The following GRID2 variants were observed in gnomAD, a reference collection of about 807,000 sequenced individuals.
GRID2 encodes glutamate ionotropic receptor delta type subunit 2, also known as glutamate receptor ionotropic, delta-2.
Under a neutral mutation model 114.8 loss-of-function variants are expected in GRID2, and 33 were observed. The ratio of observed to expected loss-of-function variants is 0.29; its 90% CI spans 0.22 to 0.38. The LOEUF is 0.38. Ranked by LOEUF, GRID2 falls within the 10% of genes least tolerant of loss-of-function variation. The probability of loss-of-function intolerance (pLI) is 1.00; values close to 1 mark genes in which losing one functional copy is unlikely to be tolerated. For missense variants in GRID2, 1,184 were observed against 1,257.7 expected (o/e 0.94, Z 0.89); for synonymous variants, 505 against 449.9 (o/e 1.12, Z -1.55).
intron 2 of GRID2, among the ~76,000 whole-genome samples, chr4:92,860,083 CA>C (rs1420420155): frequency 6.6e-6 from 1 of 152,080 alleles, no homozygotes; most frequent in Non-Finnish European, 1.5e-5. Flanking sequence ...ATACTTACAA[CA>C]AACCAAAGAA....
chr4:92,655,030 T>C (rs1442957006), intron 2 of GRID2, among the ~76,000 whole-genome samples: 2 of 151,982 alleles, frequency 1.3e-5, no homozygotes, highest in African/African-American at 2.4e-5. Flanking sequence ...ATTTAGGTTT[T>C]ATTGGAAGTC....
chr4:92,435,009 G>A (rs1441399175), intron 1 of GRID2, among the ~76,000 whole-genome samples: 1 of 152,108 alleles, frequency 6.6e-6, no homozygotes, highest in Admixed American at 6.5e-5. Context: ...AATAGAGTAG[G>A]AAAATGCATA....
chr4:92,329,830 TA>T (rs1385193744), intron 1 of GRID2, among the ~76,000 whole-genome samples: 1 of 151,752 alleles, frequency 6.6e-6, no homozygotes, highest in African/African-American at 2.4e-5. Flanking sequence ...GAATTTAGAT[TA>T]GGGGGCCAAT....
chr4:93,160,480 G>C (rs1352290370), intron 4 of GRID2, among the ~76,000 whole-genome samples: 1 of 151,768 alleles, frequency 6.6e-6, no homozygotes, highest in Non-Finnish European at 1.5e-5. Context: ...TTCTTTGAGT[G>C]ATGACAATGC....
chr4:92,686,512 T>C (rs891349212), intron 2 of GRID2, among the ~76,000 whole-genome samples: 2 of 152,030 alleles, frequency 1.3e-5, no homozygotes, highest in African/African-American at 4.8e-5. Context: ...GTTTCGTTGT[T>C]CTTGTTAAGT....
At chr4:93,611,529 G>T (rs1740912558) in intron 13 of GRID2, among the ~76,000 whole-genome samples, 2 of 142,350 alleles carry the variant, frequency 1.4e-5, no homozygotes, top group African/African-American at 5.7e-5. Context: ...TGTTCTCATT[G>T]GTTTCAAAGA....
intron 2 of GRID2, among the ~76,000 whole-genome samples, chr4:92,682,098 A>G (rs1326712785): frequency 6.6e-6 from 1 of 150,540 alleles, no homozygotes; most frequent in Non-Finnish European, 1.5e-5. Context: ...TTTTTTTTTA[A>G]TATACTTAAA....
At chr4:93,302,301 C>G (rs1754961144) in intron 8 of GRID2, among the ~76,000 whole-genome samples, 1 of 152,122 alleles carries the variant, frequency 6.6e-6, no homozygotes, top group African/African-American at 2.4e-5. Flanking sequence ...AGTTGCAATA[C>G]TGTCTTCTCT....
chr4:93,611,017 TC>T (rs1740830489), intron 13 of GRID2, among the ~76,000 whole-genome samples: 1 of 130,524 alleles, frequency 7.7e-6, no homozygotes, highest in Non-Finnish European at 1.6e-5. Flanking sequence ...ATTCAGAGAT[TC>T]AACTTCTTCC....
At chr4:92,857,844 A>G (rs1278312431) in intron 2 of GRID2, among the ~76,000 whole-genome samples, 2 of 152,230 alleles carry the variant, frequency 1.3e-5, no homozygotes, top group Non-Finnish European at 2.9e-5. Context: ...AAACCTTCAA[A>G]GAACAGGCTG....
chr4:92,922,621 C>G (rs920704611), intron 2 of GRID2, among the ~76,000 whole-genome samples: 1 of 152,154 alleles, frequency 6.6e-6, no homozygotes, highest in Non-Finnish European at 1.5e-5. Flanking sequence ...AAGAAACTCA[C>G]TATGTAATAG....
At chr4:92,588,001 T>A (rs1333352060) in intron 1 of GRID2, among the ~76,000 whole-genome samples, 1 of 152,188 alleles carries the variant, frequency 6.6e-6, no homozygotes, top group East Asian at 1.9e-4. Flanking sequence ...GACATTTAGA[T>A]TATCTGGTTT....
intron 13 of GRID2, among the ~76,000 whole-genome samples, chr4:93,570,722 G>C (rs573118140): frequency 6.6e-6 from 1 of 152,180 alleles, no homozygotes; most frequent in Non-Finnish European, 1.5e-5. Context: ...AAGCAATAAA[G>C]TATATGTTGA....
chr4:93,293,301 T>C (rs1753942320), intron 8 of GRID2, among the ~76,000 whole-genome samples: 1 of 152,116 alleles, frequency 6.6e-6, no homozygotes, highest in Non-Finnish European at 1.5e-5. Flanking sequence ...CTACATCCGC[T>C]CCCATACAGT....
intron 2 of GRID2, among the ~76,000 whole-genome samples, chr4:92,613,603 TTC>T (rs1449914171): frequency 2.0e-5 from 3 of 151,516 alleles, no homozygotes; most frequent in Non-Finnish European, 3.0e-5. Flanking sequence ...ATTCAGATTT[TTC>T]TCATCGCTGA....
intron 2 of GRID2, among the ~76,000 whole-genome samples, chr4:93,052,379 T>C (rs1726803857): frequency 6.6e-6 from 1 of 151,916 alleles, no homozygotes; most frequent in Non-Finnish European, 1.5e-5. Context: ...CGTGCATCTT[T>C]AGGTGATTTT....
chr4:93,505,088 A>T (rs2170999), intron 12 of GRID2, among the ~76,000 whole-genome samples: 41,307 of 151,770 alleles, frequency 0.27, 6,000 homozygotes, highest in East Asian at 0.44. Context: ...GTATCTTATT[A>T]AAAAAAACAT....
intron 2 of GRID2, among the ~76,000 whole-genome samples, chr4:92,694,749 T>C (rs1173853363): frequency 1.3e-5 from 2 of 152,146 alleles, no homozygotes; most frequent in African/African-American, 4.8e-5. Context: ...ATGTGAAACT[T>C]GTGCATATCT....
chr4:93,186,673 A>T (rs1740456178), intron 4 of GRID2, among the ~76,000 whole-genome samples: 1 of 151,762 alleles, frequency 6.6e-6, no homozygotes, highest in Non-Finnish European at 1.5e-5. Flanking sequence ...TTTTTTCTTG[A>T]TTTCCTAGAT....
Sources: allele counts gnomAD v4.1 joint callset (sites outside exome capture counted in the v4.1 genomes callset), GRCh38; gene constraint gnomAD v4.1.1; transcripts MANE v1.5; gene names NCBI Gene and HGNC (gene_info 2026-07-23, HGNC 2026-07-21).